LDLRAD3: variants seen among roughly 807,000 people sequenced by gnomAD.
LDLRAD3 encodes low-density lipoprotein receptor class A domain-containing protein 3.
Under a neutral mutation model 29.4 loss-of-function variants are expected in LDLRAD3, and 20 were observed. The ratio of observed to expected loss-of-function variants is 0.68; its 90% CI spans 0.48 to 0.99. The LOEUF (loss-of-function observed/expected upper bound fraction) is 0.99. Among genes scored for constraint, LDLRAD3 ranks in the 50% least tolerant of loss-of-function variants. The pLI, the probability that LDLRAD3 is intolerant of heterozygous loss-of-function variation, is 0.00. For missense variants in LDLRAD3, 420 were observed against 454.3 expected (o/e 0.92, Z 0.69); for synonymous variants, 157 against 192.7 (o/e 0.81, Z 1.53).
intron 4 of LDLRAD3, among the ~76,000 whole-genome samples, chr11:36,133,547 CTT>C (rs67935336): frequency 0.24 from 28,589 of 119,412 alleles, 3,358 homozygotes; most frequent in East Asian, 0.38. Flanking sequence ...TTTTTCTTTT[CTT>C]TTTTTTTTTT....
intron 4 of LDLRAD3, among the ~76,000 whole-genome samples, chr11:36,205,427 G>A (rs1855193165): frequency 6.6e-6 from 1 of 152,142 alleles, no homozygotes; most frequent in Admixed American, 6.5e-5. Context: ...CCCTGATGAA[G>A]GGCTGTTGAA....
intron 4 of LDLRAD3, among the ~76,000 whole-genome samples, chr11:36,208,244 AAAT>A (rs1182084488): frequency 1.1e-4 from 17 of 152,206 alleles, no homozygotes; most frequent in African/African-American, 3.9e-4. Flanking sequence ...GCAACAAAAT[AAAT>A]AATAATGCCT....
intron 2 of LDLRAD3, among the ~76,000 whole-genome samples, chr11:36,055,637 C>T (rs1007135892): frequency 2.5e-4 from 38 of 152,180 alleles, no homozygotes; most frequent in Non-Finnish European, 1.2e-4. Context: ...CCACAGTGCC[C>T]GTGTGCAGGG....
chr11:35,977,379 T>C (rs953575794), intron 1 of LDLRAD3, among the ~76,000 whole-genome samples: 5 of 152,168 alleles, frequency 3.3e-5, no homozygotes, highest in African/African-American at 9.7e-5. Context: ...GACTGGAGAA[T>C]GTGCTTAAGT....
intron 1 of LDLRAD3, among the ~76,000 whole-genome samples, chr11:35,945,665 T>C (rs1851047585): frequency 6.6e-6 from 1 of 152,140 alleles, no homozygotes; most frequent in South Asian, 2.1e-4. Context: ...TGTGTAGCTG[T>C]GGTGTGTCCC....
At position 35,944,528 on chromosome 11, in the gene LDLRAD3, G is replaced by C. The variant is rs905663520; in HGVS notation, c.46+384G>C. 6.6e-5 allele frequency among the ~76,000 whole-genome samples: 10 copies of C among 152,100 alleles called. No homozygotes were observed. The highest frequency in any genetic ancestry group is 2.4e-4 in the African/African-American group (10 of 41,422). Reference sequence around the variant, plus strand: ...AGAGGAGAGGAGAGAACTCTTCCCTGGTCTCATCTTCCCAGACGCCTGGTC... The same window carrying C: ...AGAGGAGAGGAGAGAACTCTTCCCTCGTCTCATCTTCCCAGACGCCTGGTC... On this transcript the variant is annotated intron_variant, in intron 1 of 5. Coordinates refer to ENST00000315571, the MANE Select transcript of LDLRAD3 (RefSeq NM_174902.4). This position sits in a 1 kb window ranked among gnomAD's most constrained non-coding sequence, Gnocchi z 4.9.
intron 4 of LDLRAD3, among the ~76,000 whole-genome samples, chr11:36,190,265 A>G (rs1854921453): frequency 6.6e-6 from 1 of 152,260 alleles, no homozygotes; most frequent in South Asian, 2.1e-4. Flanking sequence ...AACTTGAAAA[A>G]GTTGGGATTG....
intron 4 of LDLRAD3, among the ~76,000 whole-genome samples, chr11:36,121,403 A>G (rs910022029): frequency 1.3e-5 from 2 of 152,056 alleles, no homozygotes; most frequent in Non-Finnish European, 2.9e-5. Context: ...GAAGAGCCAC[A>G]GAGCTGATAT....
At chr11:36,038,363 C>T (rs749642954) in intron 2 of LDLRAD3, among the ~76,000 whole-genome samples, 1 of 152,158 alleles carries the variant, frequency 6.6e-6, no homozygotes, top group Non-Finnish European at 1.5e-5. Flanking sequence ...ATTTATTAAA[C>T]ACTGTACAAG....
At chr11:36,054,703 A>ATGAG (rs1852580348) in intron 2 of LDLRAD3, among the ~76,000 whole-genome samples, 1 of 112,750 alleles carries the variant, frequency 8.9e-6, no homozygotes, top group South Asian at 3.7e-4. Flanking sequence ...GAATGGGTGG[A>ATGAG]TGGGTGGGTG....
intron 1 of LDLRAD3, among the ~76,000 whole-genome samples, chr11:35,973,526 G>A (rs905035499): frequency 6.6e-6 from 1 of 152,082 alleles, no homozygotes; most frequent in African/African-American, 2.4e-5. Context: ...GGTGTGTGGC[G>A]TGATCTCTGC....
chr11:36,048,385 C>T (rs1423434577), intron 2 of LDLRAD3, among the ~76,000 whole-genome samples: 1 of 152,132 alleles, frequency 6.6e-6, no homozygotes, highest in East Asian at 1.9e-4. Context: ...CATTGACACC[C>T]CCACCCCCTG....
At chr11:36,104,839 G>C (rs1278961337) in intron 4 of LDLRAD3, among the ~76,000 whole-genome samples, 1 of 152,152 alleles carries the variant, frequency 6.6e-6, no homozygotes, top group African/African-American at 2.4e-5. Flanking sequence ...CTCCTGTCTG[G>C]TAACACTGAG....
At chr11:35,948,912 C>A (rs1379141854) in intron 1 of LDLRAD3, among the ~76,000 whole-genome samples, 1 of 152,160 alleles carries the variant, frequency 6.6e-6, no homozygotes, top group African/African-American at 2.4e-5. Flanking sequence ...CGGTGACAGC[C>A]ACAAATGCCT....
intron 4 of LDLRAD3, among the ~76,000 whole-genome samples, chr11:36,202,044 C>CTT (rs11336380): frequency 0.065 from 8,818 of 136,530 alleles, 418 homozygotes; most frequent in East Asian, 0.18. Flanking sequence ...CTGGGGACAT[C>CTT]TTTTTTTTTT....
Position 36,042,518 on chromosome 11 carries a change from CT to C in LDLRAD3, c.193+6270del, listed in dbSNP as rs551141158. 4.5e-3 allele frequency among the ~76,000 whole-genome samples: 687 copies of C among 152,288 alleles called. 8 individuals are homozygous for C. Among genetic ancestry groups the C allele is most frequent in the South Asian group, 7.7e-3 (37 of 4,828 alleles). On this transcript the variant is annotated intron_variant, in intron 2 of 5. Coordinates refer to ENST00000315571, the MANE Select transcript of LDLRAD3 (RefSeq NM_174902.4). ...GTGTGCAGCTGCAGTGGGCTCAGTTCTCCCCATCACTCTGTAGAAAGCAGAA... is the reference window on the plus strand; with the variant it reads ...GTGTGCAGCTGCAGTGGGCTCAGTTCCCCCATCACTCTGTAGAAAGCAGAA...
At chr11:35,994,528 G>A (rs1053276564) in intron 1 of LDLRAD3, among the ~76,000 whole-genome samples, 1 of 152,134 alleles carries the variant, frequency 6.6e-6, no homozygotes, top group Non-Finnish European at 1.5e-5. Context: ...TCTTGCCTCA[G>A]TGTTGATGGT....
intron 4 of LDLRAD3, among the ~76,000 whole-genome samples, chr11:36,099,696 T>G (rs963782406): frequency 6.6e-6 from 1 of 152,206 alleles, no homozygotes; most frequent in African/African-American, 2.4e-5. Context: ...TTTTGATTGG[T>G]GTTTATGCTA....
Position 36,111,427 on chromosome 11 carries a change from C to T in LDLRAD3, c.454+12966C>T, listed in dbSNP as rs1025567441. Among the ~76,000 whole-genome samples, 10 of 151,560 alleles carry T rather than the reference C, an allele frequency of 6.6e-5. No individual in the cohort carries two copies. In the South Asian group the frequency reaches 1.5e-3, roughly 22 times the overall value. On this transcript the variant is annotated intron_variant, in intron 4 of 5. Coordinates refer to ENST00000315571, the MANE Select transcript of LDLRAD3 (RefSeq NM_174902.4). ...GGTCAGTTATGTCTTTTTTTTTGGC[C>T]CCAGTTTGACTTCCTGATAGCTTTG...
Sources: gnomAD v4.1 joint callset for allele counts (sites outside exome capture counted in the v4.1 genomes callset) on GRCh38, gnomAD v4.1.1 for gene constraint, Gnocchi (gnomAD v3.1) non-coding constraint, MANE v1.5 for transcripts, NCBI Gene and HGNC (gene_info 2026-07-23, HGNC 2026-07-21) for gene names.